Variants in ITGBL1 observed in about 807,000 individuals in gnomAD.
ITGBL1 encodes integrin subunit beta like 1, also known as integrin beta-like protein 1.
ITGBL1 carries 51 observed loss-of-function variants against 68.5 expected under a neutral mutation model. That is an observed-to-expected ratio of 0.74 (90% CI 0.59 to 0.94). The LOEUF is 0.94. Among genes scored for constraint, ITGBL1 ranks in the 40% least tolerant of loss-of-function variants. ITGBL1 has a pLI of 0.00. For synonymous variants in ITGBL1, 209 were observed against 227.3 expected (o/e 0.92, Z 0.72); for missense variants, 649 against 647.4 (o/e 1.00, Z -0.03).
chr13:101,535,302 T>G (rs1298489036), intron 2 of ITGBL1, among the ~76,000 whole-genome samples: 1 of 152,094 alleles, frequency 6.6e-6, no homozygotes, highest in African/African-American at 2.4e-5. Context: ...TGTACTCTGA[T>G]GTTACCCAGA....
chr13:101,572,747 T>A (rs2050293516), intron 3 of ITGBL1, among the ~76,000 whole-genome samples: 2 of 152,038 alleles, frequency 1.3e-5, no homozygotes, highest in Admixed American at 6.6e-5. Context: ...GATGTGTGGA[T>A]GAGAGGGAGC....
intron 2 of ITGBL1, among the ~76,000 whole-genome samples, chr13:101,545,268 A>T (rs1352438240): frequency 6.6e-6 from 1 of 152,236 alleles, no homozygotes; most frequent in Non-Finnish European, 1.5e-5. Context: ...AGAAAAAAGT[A>T]AAAATACTCT....
intron 7 of ITGBL1, among the ~76,000 whole-genome samples, chr13:101,630,598 A>G (rs7986646): frequency 0.35 from 53,623 of 151,976 alleles, 9,814 homozygotes; most frequent in Non-Finnish European, 0.42. Context: ...GAGAAGACCC[A>G]TAACTCCTAG....
intron 2 of ITGBL1, among the ~76,000 whole-genome samples, chr13:101,565,057 G>A (rs1039487673): frequency 1.3e-5 from 2 of 151,912 alleles, no homozygotes; most frequent in Non-Finnish European, 2.9e-5. Flanking sequence ...TAACCAACCC[G>A]ATTTCAGGTT....
At chr13:101,492,664 G>C (rs1428009044) in intron 2 of ITGBL1, among the ~76,000 whole-genome samples, 1 of 152,114 alleles carries the variant, frequency 6.6e-6, no homozygotes, top group African/African-American at 2.4e-5. Context: ...AAGCTTGAAA[G>C]GGTGAGATTT....
chr13:101,575,546 G>GGTAT lies in ITGBL1; in HGVS notation c.586+5_586+8dup. 6.2e-7 allele frequency: 1 copy of GGTAT among 1,611,572 alleles called. No homozygotes were observed. The highest frequency in any genetic ancestry group is 8.5e-7 in the Non-Finnish European group (1 of 1,178,306). Reference sequence around the variant, plus strand: ...CGATGAAACAGAAGAAATATGTGGAGGTATGTATATTGGCTCTGTAGAAAT... The same window carrying GGTAT: ...CGATGAAACAGAAGAAATATGTGGAGGTATGTATGTATATTGGCTCTGTAGAAAT... On this transcript the variant is annotated frameshift_variant and splice_region_variant. Coordinates refer to ENST00000376180, the MANE Select transcript of ITGBL1 (RefSeq NM_004791.3). LOFTEE classifies it high-confidence loss of function.
intron 7 of ITGBL1, among the ~76,000 whole-genome samples, chr13:101,643,295 G>A (rs1232446828): frequency 6.7e-6 from 1 of 149,646 alleles, no homozygotes; most frequent in Non-Finnish European, 1.5e-5. Flanking sequence ...TTGTAAGTTG[G>A]ATTCCTAGGT....
rs1479595975 is a variant in ITGBL1 at position 101,482,205 on chromosome 13, A to T, written c.316+28105A>T. ...GTTATTTAAATTTTTATTTGTAGGT[A>T]TCTGTCTAGGGCACTTTGACCCTTT... On this transcript the variant is annotated intron_variant, in intron 2 of 10. Transcript: ENST00000376180. Among the ~76,000 whole-genome samples, 3 of 152,148 alleles carry T rather than the reference A, an allele frequency of 2.0e-5. No homozygotes were observed. In the East Asian group the frequency reaches 5.8e-4, roughly 29 times the overall value.
At chr13:101,499,906 C>T (rs2048914170) in intron 2 of ITGBL1, among the ~76,000 whole-genome samples, 1 of 152,212 alleles carries the variant, frequency 6.6e-6, no homozygotes, top group Non-Finnish European at 1.5e-5. Flanking sequence ...CTGCGTCAGC[C>T]TCCTTCCACT....
At chr13:101,458,731 T>A (rs1179732524) in intron 2 of ITGBL1, among the ~76,000 whole-genome samples, 1 of 152,228 alleles carries the variant, frequency 6.6e-6, no homozygotes, top group Non-Finnish European at 1.5e-5. Flanking sequence ...TAATACCTCA[T>A]GCAATGTAAA....
chr13:101,549,001 A>T (rs1357840450), intron 2 of ITGBL1, among the ~76,000 whole-genome samples: 1 of 151,904 alleles, frequency 6.6e-6, no homozygotes, highest in Admixed American at 6.6e-5. Context: ...ACATTATTAC[A>T]CTTGAACATT....
intron 8 of ITGBL1, among the ~76,000 whole-genome samples, chr13:101,704,517 T>C (rs1307007449): frequency 9.5e-6 from 1 of 105,284 alleles, no homozygotes; most frequent in East Asian, 3.1e-4. Flanking sequence ...GAAGAATAAA[T>C]AGAGACAAAG....
chr13:101,636,416 T>A (rs990046265), intron 7 of ITGBL1, among the ~76,000 whole-genome samples: 2 of 152,140 alleles, frequency 1.3e-5, no homozygotes, highest in Non-Finnish European at 2.9e-5. Flanking sequence ...ACTTATGACA[T>A]GTTTAATCAA....
chr13:101,606,584 G>A (rs2030872363), intron 7 of ITGBL1, among the ~76,000 whole-genome samples: 1 of 118,236 alleles, frequency 8.5e-6, no homozygotes, highest in South Asian at 3.3e-4. Context: ...ATGTTCTCCT[G>A]AGCATCAGTT....
chr13:101,645,997 A>G (rs945729051), intron 7 of ITGBL1, among the ~76,000 whole-genome samples: 3 of 152,188 alleles, frequency 2.0e-5, no homozygotes, highest in Non-Finnish European at 2.9e-5. Flanking sequence ...GAGCAATATA[A>G]TGCTGTTCTC....
chr13:101,469,252 C>T (rs2048424510), intron 2 of ITGBL1, among the ~76,000 whole-genome samples: 1 of 152,162 alleles, frequency 6.6e-6, no homozygotes, highest in Non-Finnish European at 1.5e-5. Context: ...TTGAATGGAT[C>T]ATCATGTAGG....
rs117599995 is a variant in ITGBL1 at position 101,482,685 on chromosome 13, A to G, written c.316+28585A>G. ...AGTAATTTAGGTTAATTTAGGAGGC[A>G]GATGTTTTTCAAATACTCATAGGTG... On this transcript the variant is annotated intron_variant, in intron 2 of 10. Coordinates refer to ENST00000376180, the MANE Select transcript of ITGBL1 (RefSeq NM_004791.3). Among the ~76,000 whole-genome samples the G allele has an allele frequency of 7.9e-5, 12 of 152,288 alleles. No individual in the cohort carries two copies. In the East Asian group the frequency reaches 2.3e-3, roughly 29 times the overall value.
intron 7 of ITGBL1, among the ~76,000 whole-genome samples, chr13:101,603,755 T>A (rs2030532302): frequency 6.6e-6 from 1 of 151,938 alleles, no homozygotes; most frequent in South Asian, 2.1e-4. Flanking sequence ...CATTTCAAAT[T>A]AAAAACCTTG....
At chr13:101,530,613 G>T (rs993495273) in intron 2 of ITGBL1, among the ~76,000 whole-genome samples, 2 of 152,074 alleles carry the variant, frequency 1.3e-5, no homozygotes, top group African/African-American at 4.8e-5. Flanking sequence ...TCTTGTAATA[G>T]AAATCAGTGT....
Sources: allele counts gnomAD v4.1 joint callset (sites outside exome capture counted in the v4.1 genomes callset), GRCh38; gene constraint gnomAD v4.1.1; transcripts MANE v1.5; gene names NCBI Gene and HGNC (gene_info 2026-07-23, HGNC 2026-07-21).